Variants in POFUT3 observed in about 807,000 individuals in gnomAD.
POFUT3 encodes the protein protein O-fucosyltransferase 3.
At chr8:33,364,309 A>C in the POFUT3 span, among the ~76,000 whole-genome samples, 2 of 152,222 alleles carry the variant, frequency 1.3e-5, no homozygotes, top group East Asian at 1.9e-4. Context: ...ACCCACAGCC[A>C]ATATCATACT....
the POFUT3 span, chr8:33,389,386 A>G: frequency 1.2e-6 from 2 of 1,614,218 alleles, no homozygotes; most frequent in Non-Finnish European, 1.7e-6. Flanking sequence ...AGCCATCGGC[A>G]TCCATAGAGG....
the POFUT3 span, among the ~76,000 whole-genome samples, chr8:33,441,108 A>G: frequency 6.6e-6 from 1 of 152,074 alleles, no homozygotes; most frequent in African/African-American, 2.4e-5. Context: ...AGGTGGGTGG[A>G]TCACCTGAGG....
At chr8:33,350,956 T>C in the POFUT3 span, among the ~76,000 whole-genome samples, 2 of 152,346 alleles carry the variant, frequency 1.3e-5, no homozygotes, top group East Asian at 1.9e-4. Context: ...TATATAATTA[T>C]AATGCAACAA....
At chr8:33,343,736 T>A in the POFUT3 span, among the ~76,000 whole-genome samples, 1 of 152,354 alleles carries the variant, frequency 6.6e-6, no homozygotes, top group East Asian at 1.9e-4. Flanking sequence ...GCTAGAGGTT[T>A]CCTAGAAAAA....
chr8:33,425,889 C>T, the POFUT3 span, among the ~76,000 whole-genome samples: 6 of 138,018 alleles, frequency 4.3e-5, no homozygotes, highest in Non-Finnish European at 9.3e-5. Flanking sequence ...GAAACAAGAG[C>T]AAAACTCCAT....
At chr8:33,372,858 T>G in the POFUT3 span, 2 of 1,516,326 alleles carry the variant, frequency 1.3e-6, no homozygotes, top group South Asian at 1.2e-5. Context: ...TGAAGCACAA[T>G]TCCCTTAAAG....
At chr8:33,413,221 T>G in the POFUT3 span, among the ~76,000 whole-genome samples, 1 of 152,220 alleles carries the variant, frequency 6.6e-6, no homozygotes, top group East Asian at 1.9e-4. Flanking sequence ...GTCTTTGTAC[T>G]GAGAGGGAGA....
At chr8:33,364,952 G>A in the POFUT3 span, among the ~76,000 whole-genome samples, 1 of 152,112 alleles carries the variant, frequency 6.6e-6, no homozygotes, top group Non-Finnish European at 1.5e-5. Flanking sequence ...ACATTGCCAA[G>A]ACAATCTTAA....
At chr8:33,316,883 CCT>C in the POFUT3 span, among the ~76,000 whole-genome samples, 1 of 152,096 alleles carries the variant, frequency 6.6e-6, no homozygotes, top group Non-Finnish European at 1.5e-5. Context: ...ATCCTATGGC[CCT>C]GTCTTGAGGA....
At chr8:33,322,672 A>G in the POFUT3 span, among the ~76,000 whole-genome samples, 1 of 152,176 alleles carries the variant, frequency 6.6e-6, no homozygotes, top group African/African-American at 2.4e-5. Context: ...ACAACAGGCA[A>G]TCTAATCCAC....
chr8:33,429,524 C>T, the POFUT3 span, among the ~76,000 whole-genome samples: 3 of 151,880 alleles, frequency 2.0e-5, no homozygotes, highest in Non-Finnish European at 2.9e-5. Context: ...TGGGGTATTA[C>T]AAAGAAGATA....
At chr8:33,375,699 T>G in the POFUT3 span, among the ~76,000 whole-genome samples, 1 of 152,138 alleles carries the variant, frequency 6.6e-6, no homozygotes, top group Non-Finnish European at 1.5e-5. Flanking sequence ...AAAAGAATAC[T>G]ATGTAAATGT....
chr8:33,380,836 CAA>C, the POFUT3 span, among the ~76,000 whole-genome samples: 12 of 124,730 alleles, frequency 9.6e-5, no homozygotes, highest in South Asian at 2.5e-4. Flanking sequence ...GACCCTGTCT[CAA>C]AAAAAAAAAA....
At chr8:33,430,229 T>C in the POFUT3 span, among the ~76,000 whole-genome samples, 1 of 152,136 alleles carries the variant, frequency 6.6e-6, no homozygotes, top group Admixed American at 6.6e-5. Flanking sequence ...TGTTACAAGA[T>C]GAGCAAAAGC....
chr8:33,380,043 A>ATATATAG, the POFUT3 span, among the ~76,000 whole-genome samples: 1 of 80,324 alleles, frequency 1.2e-5, no homozygotes, highest in Non-Finnish European at 2.1e-5. Flanking sequence ...TATATACGAT[A>ATATATAG]TATATACACT....
At chr8:33,433,968 A>T in the POFUT3 span, among the ~76,000 whole-genome samples, 3 of 20,902 alleles carry the variant, frequency 1.4e-4, no homozygotes, top group Non-Finnish European at 3.5e-4. Flanking sequence ...ACACTGTCAT[A>T]AAAAAAAAAA....
the POFUT3 span, among the ~76,000 whole-genome samples, chr8:33,319,604 T>TTATATAAATA: frequency 8.1e-5 from 3 of 37,202 alleles, no homozygotes; most frequent in Non-Finnish European, 1.3e-4. Context: ...TTATATGTAT[T>TTATATAAATA]TATATATTAT....
At chr8:33,429,476 T>C in the POFUT3 span, among the ~76,000 whole-genome samples, 115 of 152,328 alleles carry the variant, frequency 7.5e-4, no homozygotes, top group African/African-American at 2.7e-3. Context: ...CTTTGGCTTC[T>C]TTCTTCCAAG....
the POFUT3 span, among the ~76,000 whole-genome samples, chr8:33,393,059 A>G: frequency 2.6e-5 from 4 of 152,300 alleles, no homozygotes; most frequent in Non-Finnish European, 5.9e-5. Context: ...GGCCTAGAAC[A>G]TAAGTGTCAA....
Sources: allele counts gnomAD v4.1 joint callset (sites outside exome capture counted in the v4.1 genomes callset), GRCh38; gene constraint gnomAD v4.1.1; transcripts MANE v1.5; gene names NCBI Gene and HGNC (gene_info 2026-07-23, HGNC 2026-07-21).